The following LIPG variants were observed in gnomAD, a reference collection of about 807,000 sequenced individuals.
LIPG encodes the protein endothelial lipase.
LIPG carries 34 observed loss-of-function variants against 51.8 expected under a neutral mutation model. The ratio of observed to expected loss-of-function variants is 0.66; its 90% CI spans 0.50 to 0.87. The LOEUF (loss-of-function observed/expected upper bound fraction) is 0.87. Ranked by LOEUF, LIPG falls within the 40% of genes least tolerant of loss-of-function variation. LIPG has a pLI of 0.00. For synonymous variants in LIPG, 246 were observed against 246.1 expected (o/e 1.00, Z 0.00); for missense variants, 580 against 652.7 (o/e 0.89, Z 1.21).
Position 49,583,552 on chromosome 18 carries a change from G to A in LIPG, c.1158-4G>A. The A allele has an allele frequency of 1.2e-6, 2 of 1,612,702 alleles. No individual in the cohort carries two copies. The highest frequency in any genetic ancestry group is 1.7e-6 in the Non-Finnish European group (2 of 1,178,780). On this transcript the variant is annotated splice_region_variant and splice_polypyrimidine_tract_variant and intron_variant, in intron 7 of 9. Coordinates refer to ENST00000261292, the MANE Select transcript of LIPG (RefSeq NM_006033.4). The stretch of plus-strand genomic sequence containing the variant: ...AGTGAGATCAGCTTCTCTCCCACTT[G>A]TAGAGTGGAGCGGATCGAGCAGAAT...
chr18:49,578,227 G>C (rs868846618), intron 5 of LIPG, among the ~76,000 whole-genome samples: 1 of 147,106 alleles, frequency 6.8e-6, no homozygotes, highest in African/African-American at 2.6e-5. Context: ...CTTCTCAGAC[G>C]GGGCGGCTGC....
chr18:49,573,355 G>A lies in LIPG; in HGVS notation c.572-2014G>A, dbSNP rs559642487. On this transcript the variant is annotated intron_variant, in intron 4 of 9. Transcript: ENST00000261292. Reference sequence around the variant, plus strand: ...CTGCTTTTGTGCCATCTTTCTTTTGGGTCCTGGGCTAGGGATAAACTCTCA... The same window carrying A: ...CTGCTTTTGTGCCATCTTTCTTTTGAGTCCTGGGCTAGGGATAAACTCTCA... Among the ~76,000 whole-genome samples, 21 of 152,230 alleles carry A rather than the reference G, an allele frequency of 1.4e-4. No individual in the cohort carries two copies. In the South Asian group the frequency reaches 3.9e-3, roughly 29 times the overall value.
rs1264810352 is a variant in LIPG at position 49,569,462 on chromosome 18, A to G, written c.485A>G (p.Asn162Ser). 2 of 1,614,202 alleles carry G rather than the reference A, an allele frequency of 1.2e-6. No individual in the cohort carries two copies. The highest frequency in any genetic ancestry group is 2.2e-5 in the South Asian group (2 of 91,084). ...LQEKDDFSLG[N>S]VHLIGYSLGA... ...GAGAAGGACGATTTTTCTCTCGGGA[A>G]TGTCCACTTGATCGGCTACAGCCTC... Residue 162 changes from asparagine to serine, a missense_variant, in exon 4 of 10, where the codon AAT becomes AGT. Physicochemically the swap from Asn to Ser is conservative, Grantham distance 46. Coordinates refer to ENST00000261292, the MANE Select transcript of LIPG (RefSeq NM_006033.4).
In LIPG at chr18:49,591,199, C is replaced by T. The variant is rs1199946637; in HGVS notation, c.*677C>T. ...TAATGGACATATTACTGAGCCTCTCCATTTGGAACCCAGTGGAGTTGGGAT... is the reference window on the plus strand; with the variant it reads ...TAATGGACATATTACTGAGCCTCTCTATTTGGAACCCAGTGGAGTTGGGAT... On this transcript the variant is annotated 3_prime_UTR_variant, in exon 10 of 10. Transcript: ENST00000261292. 1 of 156,330 alleles carries T rather than the reference C, an allele frequency of 6.4e-6. No individual in the cohort carries two copies. The allele number at this position is 156,330 out of a possible 1,614,324, so 9.7% of individuals were successfully genotyped here.
At chr18:49,574,383 C>T (rs982983654) in intron 4 of LIPG, among the ~76,000 whole-genome samples, 1 of 152,200 alleles carries the variant, frequency 6.6e-6, no homozygotes, top group Non-Finnish European at 1.5e-5. Context: ...GAATAAATAT[C>T]TATTTCTATG....
Position 49,582,461 on chromosome 18 carries a change from C to T in LIPG, c.1136C>T (p.Ser379Phe). 6.2e-7 allele frequency: 1 copy of T among 1,614,230 alleles called. No individual in the cohort carries two copies. The highest frequency in any genetic ancestry group is 8.5e-7 in the Non-Finnish European group (1 of 1,180,050). Reference protein sequence around the residue: ...YVTLYGTNADSQTLPLEIVER... With the variant: ...YVTLYGTNADFQTLPLEIVER... ...ACCCTTTATGGCACTAATGCAGATT[C>T]CCAGACTCTGCCACTGGAAATGTAA... Residue 379 changes from serine (S) to phenylalanine (F), a missense_variant, in exon 7 of 10, where the codon TCC (serine) becomes TTC (phenylalanine). Coordinates refer to ENST00000261292, the MANE Select transcript of LIPG (RefSeq NM_006033.4).
intron 6 of LIPG, 112 bp downstream of exon 6, chr18:49,581,769 C>T (rs896490951): frequency 2.2e-6 from 3 of 1,336,016 alleles, no homozygotes; most frequent in Middle Eastern, 2.5e-4. Context: ...CAGCACAATC[C>T]AATCAAATCG....
chr18:49,590,884 G>A lies in LIPG; in HGVS notation c.*362G>A, dbSNP rs572601953. ...CTGCCTGACGAGGAACGCTGGCTCC[G>A]AAGAGGCCCTGTGTAGAAGGCTGTC... On this transcript the variant is annotated 3_prime_UTR_variant, in exon 10 of 10. Transcript: ENST00000261292. 40 of 373,728 alleles carry A rather than the reference G, an allele frequency of 1.1e-4. No homozygotes were observed. The highest frequency in any genetic ancestry group is 8.0e-4 in the South Asian group (32 of 39,928). 23.2% of individuals were successfully genotyped at this position (373,728 alleles called of 1,614,324 possible).
intron 9 of LIPG, among the ~76,000 whole-genome samples, chr18:49,588,906 GC>G (rs2143981482): frequency 6.6e-6 from 1 of 152,190 alleles, no homozygotes; most frequent in East Asian, 1.9e-4. Flanking sequence ...CTTAGCTTGG[GC>G]CCAGCCTGCA....
chr18:49,573,225 C>G (rs904856071), intron 4 of LIPG, among the ~76,000 whole-genome samples: 3 of 152,232 alleles, frequency 2.0e-5, no homozygotes, highest in Admixed American at 6.5e-5. Context: ...CTCTCTTTCT[C>G]TTTCCTCCAG....
chr18:49,562,452 G>T (rs2084561042), intron 1 of LIPG, 47 bp downstream of exon 1: 1 of 1,520,390 alleles, frequency 6.6e-7, no homozygotes, highest in Non-Finnish European at 9.1e-7. Context: ...CTCTGTGCTG[G>T]GTCCCCTCTG....
At chr18:49,581,159 C>T (rs1216919462) in intron 5 of LIPG, among the ~76,000 whole-genome samples, 2 of 152,106 alleles carry the variant, frequency 1.3e-5, no homozygotes, top group East Asian at 3.8e-4. Context: ...ACTGGGGAGG[C>T]TGAGGTGAGA....
Position 49,574,571 on chromosome 18 carries a change from A to G in LIPG, c.572-798A>G, listed in dbSNP as rs77152895. ...TTTCCCTTACCCACTCTCTCCCCCA[A>G]CGCACACGCATACAGGTAACTAGTT... On this transcript the variant is annotated intron_variant, in intron 4 of 9. Coordinates refer to ENST00000261292, the MANE Select transcript of LIPG (RefSeq NM_006033.4). Among the ~76,000 whole-genome samples, 5 of 152,202 alleles carry G rather than the reference A, an allele frequency of 3.3e-5. No homozygotes were observed. In the East Asian group the frequency reaches 9.7e-4, roughly 29 times the overall value.
In LIPG at chr18:49,581,468, G is replaced by C; in HGVS notation, c.847G>C (p.Asp283His). 1 of 1,614,182 alleles carries C rather than the reference G, an allele frequency of 6.2e-7. No individual in the cohort carries two copies. Among genetic ancestry groups the C allele is most frequent in the Non-Finnish European group, 8.5e-7 (1 of 1,180,044 alleles). ...TGAGCGAGCCGTCCACCTCTTTGTT[G>C]ACTCTCTGGTGAATCAGGACAAGCC... ...EHERAVHLFV[D>H]SLVNQDKPSF... is the part of the protein sequence containing the mutation. The change falls in exon 6 of 10, where the codon GAC (aspartate) becomes CAC (histidine). Residue 283 changes from aspartate to histidine, a missense_variant. Transcript: ENST00000261292.
Position 49,598,523 on chromosome 18 carries a change from C to T in LIPG, c.*8001C>T, listed in dbSNP as rs948709888. The T allele has an allele frequency of 3.9e-5, 6 of 152,490 alleles. No homozygotes were observed. Among genetic ancestry groups the T allele is most frequent in the Non-Finnish European group, 8.8e-5 (6 of 68,202 alleles). 9.4% of individuals were successfully genotyped at this position (152,490 alleles called of 1,614,324 possible). A position where few individuals can be genotyped will look rare whatever the true frequency, so the allele number is the denominator to read the frequency against. On this transcript the variant is annotated 3_prime_UTR_variant, in exon 10 of 10. Transcript: ENST00000261292. ...CTGCCTCTCTCTCCTTCAAGGTAGA[C>T]TTCCTCTTTCCTTCCCCTTCTCCCT...
Position 49,582,416 on chromosome 18 carries a change from T to C in LIPG, c.1091T>C (p.Ile364Thr), listed in dbSNP as rs1157247947. Residue 364 changes from isoleucine (I) to threonine (T), a missense_variant, in exon 7 of 10, where the codon ATT becomes ACT. Physicochemically the swap from Ile to Thr is moderately conservative, Grantham distance 89. Coordinates refer to ENST00000261292, the MANE Select transcript of LIPG (RefSeq NM_006033.4). The part of the protein sequence containing the change: ...HVFSYKNMGE[I>T]EPTFYVTLYG... Reference sequence around the variant, plus strand: ...TTCAGTTACAAGAACATGGGAGAAATTGAGCCCACCTTTTACGTCACCCTT... The same window carrying C: ...TTCAGTTACAAGAACATGGGAGAAACTGAGCCCACCTTTTACGTCACCCTT... 1 of 1,614,134 alleles carries C rather than the reference T, an allele frequency of 6.2e-7. No individual in the cohort carries two copies. The highest frequency in any genetic ancestry group is 1.1e-5 in the South Asian group (1 of 91,088).
intron 4 of LIPG, among the ~76,000 whole-genome samples, chr18:49,572,593 T>C (rs1398575871): frequency 1.3e-5 from 2 of 151,952 alleles, no homozygotes; most frequent in Non-Finnish European, 2.9e-5. Context: ...TAGCCAGGCA[T>C]GGTAGTGCAT....
rs17798991 is a variant in LIPG at position 49,594,946 on chromosome 18, G to T, written c.*4424G>T. 47,370 of 152,098 alleles carry T rather than the reference G, an allele frequency of 0.31. 7,578 individuals carry two copies. The highest frequency in any genetic ancestry group is 0.42 in the East Asian group (2,161 of 5,160). 9.4% of individuals were successfully genotyped at this position (152,098 alleles called of 1,614,324 possible). ...AGGAAGAGTCATAGCCTGGATGACT[G>T]CAAGTGCCTTCTTTGGCTTGGGGGT... On this transcript the variant is annotated 3_prime_UTR_variant, in exon 10 of 10. Coordinates refer to ENST00000261292, the MANE Select transcript of LIPG (RefSeq NM_006033.4).
intron 9 of LIPG, chr18:49,590,013 CA>C (rs1411092169): frequency 4.5e-6 from 1 of 222,136 alleles, no homozygotes; most frequent in Admixed American, 5.1e-5. Context: ...GCCTGAGATT[CA>C]GAGAGGTTCA....
Sources: gnomAD v4.1 joint callset for allele counts (sites outside exome capture counted in the v4.1 genomes callset) on GRCh38, gnomAD v4.1.1 for gene constraint, MANE v1.5 for transcripts, NCBI Gene and HGNC (gene_info 2026-07-23, HGNC 2026-07-21) for gene names.